IGSF6: variants seen among roughly 807,000 people sequenced by gnomAD.
The protein encoded by IGSF6 is immunoglobulin superfamily member 6.
In IGSF6, 23 loss-of-function variants were observed where a neutral mutation model predicts 24.7. That is an observed-to-expected ratio of 0.93 (90% CI 0.67 to 1.32). The LOEUF (loss-of-function observed/expected upper bound fraction) is 1.32, where lower values mean the gene tolerates loss of function less well. Among genes scored for constraint, IGSF6 ranks in the 40% most tolerant of loss-of-function variants. The pLI is 0.00. For synonymous variants in IGSF6, 110 were observed against 113.7 expected, an observed-to-expected ratio of 0.97 and a Z score of 0.21; for missense variants, 295 against 293.6, an observed-to-expected ratio of 1.00 and a Z score of -0.04.
rs1214743865 is a variant in IGSF6 at position 21,643,111 on chromosome 16, A to G, written c.629T>C (p.Leu210Pro). ...TGTTTCCACATGTCTCTTATGGTAT[A>G]GTTCTTGAGCAATTTCCTGAAAAAT... Reference protein sequence around the residue: ...RRIFQEIAQELYHKRHVETNQ... With the variant: ...RRIFQEIAQEPYHKRHVETNQ... The change falls in exon 5 of 6, where the codon CTA becomes CCA. Residue 210 changes from leucine to proline, a missense_variant. Transcript: ENST00000268389. The G allele has an allele frequency of 6.2e-7, 1 of 1,609,442 alleles. No homozygotes were observed. The highest frequency in any genetic ancestry group is 1.7e-5 in the Admixed American group (1 of 59,984).
At position 21,645,314 on chromosome 16, in the gene IGSF6, G is replaced by A. The variant is rs150018175; in HGVS notation, c.428-918C>T. 2.5e-4 allele frequency among the ~76,000 whole-genome samples: 38 copies of A among 152,240 alleles called. No individual in the cohort carries two copies. In the East Asian group the frequency reaches 7.3e-3, roughly 29 times the overall value. The stretch of plus-strand genomic sequence containing the variant: ...CTAAAAATACCAAAATTAGCTGGGC[G>A]TGGTCGCACATGCCTGTAATCCCAG... On this transcript the variant is annotated intron_variant, in intron 2 of 5. Coordinates refer to ENST00000268389, the MANE Select transcript of IGSF6 (RefSeq NM_005849.4).
In IGSF6 at chr16:21,647,236, CACTCTGTTT is replaced by C. The variant is rs1567346976; in HGVS notation, c.315_323del (p.Asn106_Val108del). ...TGTAAATTGCACTGTCATTTGAAGT[CACTCTGTTT>C]ACAGTGAGGGAAACTTGGTTTTCTT... On this transcript the variant is annotated inframe_deletion, in exon 2 of 6. Transcript: ENST00000268389. The C allele has an allele frequency of 3.1e-6, 5 of 1,614,130 alleles. No individual in the cohort carries two copies. In the East Asian group the frequency reaches 1.1e-4, roughly 36 times the overall value.
chr16:21,651,014 G>A (rs918605114), intron 1 of IGSF6, among the ~76,000 whole-genome samples: 1 of 152,200 alleles, frequency 6.6e-6, no homozygotes, highest in African/African-American at 2.4e-5. Context: ...ACGAGGTCAG[G>A]AGATCGAGAC....
At chr16:21,643,263 C>T (rs1361041016) in intron 4 of IGSF6, 109 bp from the exon 5 acceptor site, 1 of 779,180 alleles carries the variant, frequency 1.3e-6, no homozygotes, top group Non-Finnish European at 2.2e-6. Context: ...CAAAAACTAC[C>T]CCCTCCCCCA....
rs184374858 is a variant in IGSF6, at chr16:21,650,152, A to G, written c.67+2380T>C. Among the ~76,000 whole-genome samples, 20 of 151,932 alleles carry G rather than the reference A, an allele frequency of 1.3e-4. No individual in the cohort carries two copies. The East Asian group carries it at 3.3e-3, about 25-fold the overall frequency. On this transcript the variant is annotated intron_variant, in intron 1 of 5. Coordinates refer to ENST00000268389, the MANE Select transcript of IGSF6 (RefSeq NM_005849.4). ...AGCATTGTGAGTCCCTGTCTCTATT[A>G]AAGGAATAGAGTCTGGACGTGCACT... is the stretch of plus-strand genomic sequence containing the variant.
In IGSF6 at chr16:21,641,430, G is replaced by GT. The variant is rs1966265297; in HGVS notation, c.*103dup. 3 of 550,546 alleles carry GT rather than the reference G, an allele frequency of 5.4e-6. No homozygotes were observed. Among genetic ancestry groups the GT allele is most frequent in the Non-Finnish European group, 9.4e-6 (3 of 318,298 alleles). The allele number at this position is 550,546 out of a possible 1,614,324, so 34.1% of individuals were successfully genotyped here. A position where few individuals can be genotyped will look rare whatever the true frequency, so the allele number is the denominator to read the frequency against. On this transcript the variant is annotated 3_prime_UTR_variant, in exon 6 of 6. Coordinates refer to ENST00000268389, the MANE Select transcript of IGSF6 (RefSeq NM_005849.4). ...TTCTTTGTAGCCAGTTGTCTTTTCAGTTTACCTTTATTTTTTTTTAAGACC... is the reference window on the plus strand; with the variant it reads ...TTCTTTGTAGCCAGTTGTCTTTTCAGTTTTACCTTTATTTTTTTTTAAGACC...
chr16:21,643,413 T>C (rs568363350), intron 4 of IGSF6, 135 bp downstream of exon 4: 11 of 640,584 alleles, frequency 1.7e-5, no homozygotes, highest in Non-Finnish European at 2.7e-5. Context: ...GGAAATAGTG[T>C]CTGCAGTTGA....
In IGSF6 at chr16:21,641,600, TAATA is replaced by T. The variant is rs768383044; in HGVS notation, c.667-11_667-8del. On this transcript the variant is annotated splice_polypyrimidine_tract_variant and splice_region_variant and intron_variant, in intron 5 of 5. Transcript: ENST00000268389. Reference sequence around the variant, plus strand: ...AAGTGTTGTTATCTTTCTCCTGCAATAATAAATAAATAGAAAGCCATGTTTAAGG... The same window carrying T: ...AAGTGTTGTTATCTTTCTCCTGCAATAATAAATAGAAAGCCATGTTTAAGG... The T allele has an allele frequency of 2.6e-6, 4 of 1,544,984 alleles. No individual in the cohort carries two copies. Among genetic ancestry groups the T allele is most frequent in the Admixed American group, 1.7e-5 (1 of 58,628 alleles).
Position 21,647,282 on chromosome 16 carries a change from C to T in IGSF6, c.278G>A (p.Arg93Lys). Residue 93 changes from arginine to lysine, a missense_variant, in exon 2 of 6, where the codon AGG becomes AAG. Physicochemically the swap from Arg to Lys is conservative, Grantham distance 26. Transcript: ENST00000268389. ...AACTTGGTTTTCTTTGAGGGCCTCC[C>T]TCACTGTGAACTTGTCTGCCTCACT... ...CKSEADKFTV[R>K]EALKENQVSL... 6.2e-7 allele frequency: 1 copy of T among 1,614,184 alleles called. No individual in the cohort carries two copies. Among genetic ancestry groups the T allele is most frequent in the Non-Finnish European group, 8.5e-7 (1 of 1,180,042 alleles).
At chr16:21,651,976 TC>T (rs1346594940) in intron 1 of IGSF6, 1 of 152,034 alleles carries the variant, frequency 6.6e-6, no homozygotes. Context: ...TTAAGAACTT[TC>T]CCCCCTTCCC....
intron 5 of IGSF6, 51 bp downstream of exon 5, chr16:21,643,023 A>C (rs1403673168): frequency 3.9e-6 from 5 of 1,297,934 alleles, no homozygotes; most frequent in African/African-American, 1.5e-5. Flanking sequence ...TAGTTTTTTC[A>C]AACGTGCTTT....
rs1966335975 is a variant in IGSF6, at chr16:21,643,614, G to A, written c.535-16C>T. Reference sequence around the variant, plus strand: ...TGGATTTTGACTGCCAAGAAGAGAAGGAAAGTCTATGAAACATTTTATGTA... The same window carrying A: ...TGGATTTTGACTGCCAAGAAGAGAAAGAAAGTCTATGAAACATTTTATGTA... On this transcript the variant is annotated splice_polypyrimidine_tract_variant and intron_variant, in intron 3 of 5. Transcript: ENST00000268389. 1 of 1,583,938 alleles carries A rather than the reference G, an allele frequency of 6.3e-7. No individual in the cohort carries two copies. The highest frequency in any genetic ancestry group is 8.6e-7 in the Non-Finnish European group (1 of 1,157,192).
chr16:21,651,652 G>A (rs1421962054), intron 1 of IGSF6, among the ~76,000 whole-genome samples: 1 of 152,116 alleles, frequency 6.6e-6, no homozygotes, highest in African/African-American at 2.4e-5. Flanking sequence ...AAGTAGCGAA[G>A]TAGTACAGTC....
Position 21,639,956 on chromosome 16 carries a change from T to TATTTATTTATTTA in IGSF6, c.*1577_*1578insTAAATAAATAAAT, listed in dbSNP as rs200834716. ...TTATTTATTTATTTATTTATTTATT[T>TATTTATTTATTTA]TTGAGACAGTCTTGCTCTGTCACCT... is the stretch of plus-strand genomic sequence containing the variant. On this transcript the variant is annotated 3_prime_UTR_variant, in exon 6 of 6. Coordinates refer to ENST00000268389, the MANE Select transcript of IGSF6 (RefSeq NM_005849.4). 2 of 152,120 alleles carry TATTTATTTATTTA rather than the reference T, an allele frequency of 1.3e-5. No individual in the cohort carries two copies. 9.4% of individuals were successfully genotyped at this position (152,120 alleles called of 1,614,324 possible). A position where few individuals can be genotyped will look rare whatever the true frequency, so the allele number is the denominator to read the frequency against.
intron 1 of IGSF6, chr16:21,652,281 A>T: frequency 2.8e-6 from 1 of 352,520 alleles, no homozygotes; most frequent in East Asian, 4.6e-5. Context: ...GAATATTTTC[A>T]ACCCTTTGGT....
chr16:21,641,676 G>C (rs1029825852), intron 5 of IGSF6, 83 bp from the exon 6 acceptor site: 1 of 759,516 alleles, frequency 1.3e-6, no homozygotes, highest in Admixed American at 2.6e-5. Flanking sequence ...CAAACCACTG[G>C]GCCATCTTGG....
chr16:21,644,212 G>T, intron 3 of IGSF6, 78 bp downstream of exon 3: 1 of 1,059,026 alleles, frequency 9.4e-7, no homozygotes, highest in Non-Finnish European at 1.5e-6. Flanking sequence ...CCCATAACTT[G>T]TGGAGAGATA....
rs1432835746 is a variant in IGSF6, at chr16:21,640,628, G to T, written c.*906C>A. On this transcript the variant is annotated 3_prime_UTR_variant, in exon 6 of 6. Coordinates refer to ENST00000268389, the MANE Select transcript of IGSF6 (RefSeq NM_005849.4). ...AAAAAAAAAAAAAAATTAGCCGGGC[G>T]TGGTGGTGCGTACCTGTAATCCCAG... The T allele has an allele frequency of 6.7e-6, 1 of 149,368 alleles. No individual in the cohort carries two copies. Among genetic ancestry groups the T allele is most frequent in the Non-Finnish European group, 1.5e-5 (1 of 67,436 alleles). The allele number at this position is 149,368 out of a possible 1,614,324, so 9.3% of individuals were successfully genotyped here.
Position 21,644,403 on chromosome 16 carries a change from G to A in IGSF6, c.428-7C>T. On this transcript the variant is annotated splice_region_variant and splice_polypyrimidine_tract_variant and intron_variant, in intron 2 of 5. Coordinates refer to ENST00000268389, the MANE Select transcript of IGSF6 (RefSeq NM_005849.4). The stretch of plus-strand genomic sequence containing the variant: ...TTGCTGAGCAGCTTAATTTCTTAAT[G>A]ACAAAAACAGAAAGAAGCACATTGA... 3.8e-6 allele frequency: 6 copies of A among 1,590,284 alleles called. No homozygotes were observed. Among genetic ancestry groups the A allele is most frequent in the Non-Finnish European group, 5.2e-6 (6 of 1,158,730 alleles).
Sources: gnomAD v4.1 joint callset for allele counts (sites outside exome capture counted in the v4.1 genomes callset) on GRCh38, gnomAD v4.1.1 for gene constraint, MANE v1.5 for transcripts, NCBI Gene and HGNC (gene_info 2026-07-23, HGNC 2026-07-21) for gene names.